LRRN3: variants seen among roughly 807,000 people sequenced by gnomAD.
LRRN3 encodes leucine-rich repeat neuronal protein 3.
A neutral mutation model predicts 40.1 loss-of-function variants in LRRN3; 15 were observed. That is an observed-to-expected ratio of 0.37 (90% CI 0.25 to 0.58). The LOEUF is 0.58. Ranked by LOEUF, LRRN3 falls within the 20% of genes least tolerant of loss-of-function variation. The pLI is 0.72. For synonymous variants in LRRN3, 308 were observed against 297.2 expected, an observed-to-expected ratio of 1.04 and a Z score of -0.37; for missense variants, 746 against 837.7, an observed-to-expected ratio of 0.89 and a Z score of 1.35.
In LRRN3 at chr7:111,123,037, G is replaced by A. The variant is rs772927353; in HGVS notation, c.265G>A (p.Asp89Asn). The A allele has an allele frequency of 1.9e-5, 30 of 1,613,812 alleles. No homozygotes were observed. The Admixed American group carries it at 4.5e-4, about 24-fold the overall frequency. The change falls in exon 3 of 3, where the codon GAC becomes AAC. Residue 89 changes from aspartate to asparagine, a missense_variant. Physicochemically the swap from Asp to Asn is conservative, Grantham distance 23. Transcript: ENST00000308478. The surrounding 1 kb of genome is among the most constrained non-coding windows in gnomAD (Gnocchi z 6.4). ...NNIAKIEYST[D>N]FPVNLTGLDL... Reference sequence around the variant, plus strand: ...TATTGCAAAAATTGAATACTCCACAGACTTTCCAGTAAACCTTACTGGCCT... The same window carrying A: ...TATTGCAAAAATTGAATACTCCACAAACTTTCCAGTAAACCTTACTGGCCT...
At chr7:111,095,014 A>T (rs1308108663) in intron 1 of LRRN3, among the ~76,000 whole-genome samples, 1 of 152,028 alleles carries the variant, frequency 6.6e-6, no homozygotes, top group African/African-American at 2.4e-5. Flanking sequence ...CATTTACTAT[A>T]TTTGCATAAT....
In LRRN3 at chr7:111,091,460, C is replaced by G. The variant is rs529361619; in HGVS notation, c.-485C>G. ...AACCAAGGAACTGAGGAATCCAGCA[C>G]GCAAGGACATCGGAGGTGGGCTAGC... On this transcript the variant is annotated 5_prime_UTR_variant, in exon 1 of 3. Transcript: ENST00000308478. The G allele has an allele frequency of 6.6e-6, 1 of 152,222 alleles. No individual in the cohort carries two copies. The highest frequency in any genetic ancestry group is 2.1e-4 in the South Asian group (1 of 4,822). The allele number at this position is 152,222 out of a possible 1,614,324, so 9.4% of individuals were successfully genotyped here. A position where few individuals can be genotyped will look rare whatever the true frequency, so the allele number is the denominator to read the frequency against.
intron 1 of LRRN3, among the ~76,000 whole-genome samples, chr7:111,092,535 T>A (rs1796980369): frequency 6.6e-6 from 1 of 152,104 alleles, no homozygotes; most frequent in African/African-American, 2.4e-5. Flanking sequence ...GAAGTAAAGG[T>A]TCAAAATATC....
intron 2 of LRRN3, among the ~76,000 whole-genome samples, chr7:111,111,960 T>G (rs927210037): frequency 2.3e-4 from 32 of 137,516 alleles, no homozygotes; most frequent in African/African-American, 8.1e-4. Flanking sequence ...TTTTTTTTTT[T>G]TTTTTGAGAT....
At chr7:111,107,064 G>C (rs1182152141) in intron 2 of LRRN3, among the ~76,000 whole-genome samples, 1 of 151,922 alleles carries the variant, frequency 6.6e-6, no homozygotes, top group East Asian at 1.9e-4. Flanking sequence ...AGACAGTTAA[G>C]CTGCAATGTG....
In LRRN3 at chr7:111,124,641, GAAT is replaced by G. The variant is rs757609619; in HGVS notation, c.1874_1876del (p.Asn625del). 9 of 1,613,792 alleles carry G rather than the reference GAAT, an allele frequency of 5.6e-6. No individual in the cohort carries two copies. In the East Asian group the frequency reaches 1.8e-4, roughly 32 times the overall value. On this transcript the variant is annotated inframe_deletion, in exon 3 of 3. Coordinates refer to ENST00000308478, the MANE Select transcript of LRRN3 (RefSeq NM_001099658.2). ...ACCCTGATCAAAAAGAGTATGAAAA[GAAT>G]AATACCACAACACTTATGGCCTGTC...
At chr7:111,118,387 T>C (rs979313299) in intron 2 of LRRN3, among the ~76,000 whole-genome samples, 1 of 151,980 alleles carries the variant, frequency 6.6e-6, no homozygotes, top group Non-Finnish European at 1.5e-5. Context: ...CAAGAAACAA[T>C]CTGTATTTTC....
intron 1 of LRRN3, among the ~76,000 whole-genome samples, chr7:111,096,744 T>A (rs768269477): frequency 6.6e-6 from 1 of 151,882 alleles, no homozygotes; most frequent in African/African-American, 2.4e-5. Flanking sequence ...GAACCCCCAA[T>A]GGATCAAGTG....
chr7:111,095,110 T>G (rs1797267959), intron 1 of LRRN3, among the ~76,000 whole-genome samples: 1 of 151,916 alleles, frequency 6.6e-6, no homozygotes, highest in African/African-American at 2.4e-5. Context: ...GTGCCATTAA[T>G]AAAAACACAT....
intron 1 of LRRN3, among the ~76,000 whole-genome samples, chr7:111,092,076 G>A (rs929772158): frequency 6.6e-6 from 1 of 152,180 alleles, no homozygotes; most frequent in African/African-American, 2.4e-5. Context: ...AAACCACTAA[G>A]CAGAGTAGCA....
In LRRN3 at chr7:111,123,755, A is replaced by T. The variant is rs139637326; in HGVS notation, c.983A>T (p.Asn328Ile). The change falls in exon 3 of 3, where the codon AAT (asparagine) becomes ATT (isoleucine). Residue 328 changes from asparagine (N) to isoleucine (I), a missense_variant. Transcript: ENST00000308478. This position sits in a 1 kb window ranked among gnomAD's most constrained non-coding sequence, Gnocchi z 6.4. ...NNPRLSYIHP[N>I]AFFRLPKLES... ...CCTAGATTGTCTTACATTCACCCCA[A>T]TGCATTTTTCAGACTCCCCAAGCTG... 6.2e-7 allele frequency: 1 copy of T among 1,613,940 alleles called. No individual in the cohort carries two copies. The highest frequency in any genetic ancestry group is 2.2e-5 in the East Asian group (1 of 44,864).
At chr7:111,095,042 C>T (rs760320700) in intron 1 of LRRN3, among the ~76,000 whole-genome samples, 14 of 151,986 alleles carry the variant, frequency 9.2e-5, no homozygotes, top group Non-Finnish European at 1.9e-4. Flanking sequence ...TTTGTATACA[C>T]CTGCTTGCTA....
intron 2 of LRRN3, among the ~76,000 whole-genome samples, chr7:111,112,272 G>A (rs1419221933): frequency 6.6e-6 from 1 of 151,980 alleles, no homozygotes; most frequent in Non-Finnish European, 1.5e-5. Context: ...CCCTGAAAAT[G>A]AAAAACTTTA....
chr7:111,114,995 C>G (rs943262266), intron 2 of LRRN3, among the ~76,000 whole-genome samples: 16 of 151,962 alleles, frequency 1.1e-4, no homozygotes, highest in South Asian at 4.2e-4. Flanking sequence ...TAATTATAAC[C>G]TGAAGCAAAT....
intron 2 of LRRN3, among the ~76,000 whole-genome samples, chr7:111,114,665 G>A (rs956282227): frequency 2.0e-5 from 3 of 151,326 alleles, no homozygotes; most frequent in African/African-American, 7.3e-5. Context: ...GAACCCAGGA[G>A]GTGGAGGGTG....
chr7:111,100,788 C>G (rs1186651161), intron 2 of LRRN3, among the ~76,000 whole-genome samples: 1 of 151,284 alleles, frequency 6.6e-6, no homozygotes, highest in African/African-American at 2.4e-5. Flanking sequence ...CATCTAAGAT[C>G]TTTATCATTT....
intron 2 of LRRN3, among the ~76,000 whole-genome samples, chr7:111,108,284 A>C (rs2129582144): frequency 6.6e-6 from 1 of 152,210 alleles, no homozygotes; most frequent in African/African-American, 2.4e-5. Context: ...AATGTTTATT[A>C]TTGCTCTTTT....
chr7:111,114,424 C>T (rs777503356), intron 2 of LRRN3, among the ~76,000 whole-genome samples: 59 of 152,066 alleles, frequency 3.9e-4, no homozygotes, highest in Non-Finnish European at 7.2e-4. Flanking sequence ...CATCCAAGTA[C>T]ATTGTATTAA....
chr7:111,099,789 T>C (rs1464432013), intron 1 of LRRN3, 92 bp from the exon 2 acceptor site: 1 of 151,624 alleles, frequency 6.6e-6, no homozygotes, highest in Non-Finnish European at 1.5e-5. Flanking sequence ...GAATCATGAA[T>C]AACCTAACAT....
Sources: gnomAD v4.1 joint callset for allele counts (sites outside exome capture counted in the v4.1 genomes callset) on GRCh38, gnomAD v4.1.1 for gene constraint, Gnocchi (gnomAD v3.1) non-coding constraint, MANE v1.5 for transcripts, NCBI Gene and HGNC (gene_info 2026-07-23, HGNC 2026-07-21) for gene names.